CECR2: variants seen among roughly 807,000 people sequenced by gnomAD.
The protein encoded by CECR2 is chromatin remodeling regulator CECR2.
Under a neutral mutation model 154.5 loss-of-function variants are expected in CECR2, and 30 were observed. The ratio of observed to expected loss-of-function variants is 0.19; its 90% CI spans 0.15 to 0.26. The LOEUF (loss-of-function observed/expected upper bound fraction) is 0.26, where lower values mean the gene tolerates loss of function less well. Among genes scored for constraint, CECR2 ranks in the 10% least tolerant of loss-of-function variants. The probability of loss-of-function intolerance (pLI) is 1.00; values close to 1 mark genes in which losing one functional copy is unlikely to be tolerated. For missense variants in CECR2, 1,743 were observed against 1,829.3 expected (o/e 0.95, Z 0.86); for synonymous variants, 725 against 683.7 (o/e 1.06, Z -0.94).
intron 2 of CECR2, among the ~76,000 whole-genome samples, chr22:17,485,124 A>G (rs1295856447): frequency 1.3e-5 from 2 of 152,230 alleles, no homozygotes; most frequent in Non-Finnish European, 2.9e-5. Flanking sequence ...GACGCTGCCA[A>G]CTGCTTCTCA....
chr22:17,447,879 TTTTTTG>T (rs1188101013), intron 1 of CECR2, among the ~76,000 whole-genome samples: 2 of 136,654 alleles, frequency 1.5e-5, no homozygotes, highest in African/African-American at 6.5e-5. Flanking sequence ...CAAGTGTTTT[TTTTTTG>T]TTTGTTTGTT....
At chr22:17,383,790 G>A (rs989212250) in intron 1 of CECR2, among the ~76,000 whole-genome samples, 7 of 149,500 alleles carry the variant, frequency 4.7e-5, no homozygotes, top group African/African-American at 7.4e-5. Context: ...TCAGCCTCCC[G>A]AGTAGCTGGG....
intron 1 of CECR2, among the ~76,000 whole-genome samples, chr22:17,376,585 C>A (rs2063121489): frequency 6.6e-6 from 1 of 151,750 alleles, no homozygotes; most frequent in Admixed American, 6.6e-5. Context: ...CAAAGGGGAG[C>A]TTCTAAGTAC....
intron 1 of CECR2, among the ~76,000 whole-genome samples, chr22:17,411,724 A>C (rs1189965818): frequency 6.6e-6 from 1 of 152,222 alleles, no homozygotes; most frequent in East Asian, 1.9e-4. Flanking sequence ...CTTTCAAAAA[A>C]ATTATTGTAA....
rs575967669 is a variant in CECR2, at chr22:17,552,145, A to G, written c.4389+3A>G. 3.7e-6 allele frequency: 6 copies of G among 1,612,176 alleles called. No individual in the cohort carries two copies. Among genetic ancestry groups the G allele is most frequent in the South Asian group, 3.3e-5 (3 of 91,044 alleles). On this transcript the variant is annotated splice_donor_region_variant and intron_variant, in intron 18 of 18. Coordinates refer to ENST00000262608, the MANE Select transcript of CECR2 (RefSeq NM_001290047.2). ...CTCCAACACTTCCCCTGGATCAGGT[A>G]AGGATCACTAAAAATTAGAGCTGTT...
intron 2 of CECR2, among the ~76,000 whole-genome samples, chr22:17,484,768 C>G (rs955122456): frequency 1.5e-4 from 23 of 152,270 alleles, no homozygotes; most frequent in African/African-American, 5.3e-4. Context: ...GTCCCAGCTA[C>G]TCTGTAGGCT....
chr22:17,530,987 T>C (rs2056345849), intron 9 of CECR2, among the ~76,000 whole-genome samples: 1 of 152,180 alleles, frequency 6.6e-6, no homozygotes, highest in African/African-American at 2.4e-5. Context: ...ATACCGGTGA[T>C]GGCGCCACAA....
intron 1 of CECR2, among the ~76,000 whole-genome samples, chr22:17,394,983 T>A (rs1484018705): frequency 1.3e-5 from 2 of 152,186 alleles, no homozygotes; most frequent in African/African-American, 2.4e-5. Flanking sequence ...ATACATCAAA[T>A]GCATTCCTTT....
chr22:17,392,763 C>T (rs5747092), intron 1 of CECR2, among the ~76,000 whole-genome samples: 3,860 of 152,086 alleles, frequency 0.025, 65 homozygotes, highest in Non-Finnish European at 0.038. Flanking sequence ...ACAAGTAGGC[C>T]GGGCACGGTG....
In CECR2 at chr22:17,556,586, A is replaced by C. The variant is rs953697682; in HGVS notation, c.*3746A>C. The C allele has an allele frequency of 6.6e-6, 1 of 152,076 alleles. No individual in the cohort carries two copies. The highest frequency in any genetic ancestry group is 2.4e-5 in the African/African-American group (1 of 41,394). The allele number at this position is 152,076 out of a possible 1,614,324, so 9.4% of individuals were successfully genotyped here. On this transcript the variant is annotated 3_prime_UTR_variant, in exon 19 of 19. Transcript: ENST00000262608. The stretch of plus-strand genomic sequence containing the variant: ...AATTTTTTTTTTTAATGGACATTCA[A>C]ATCTGTAAATACTACACTGCTCTTA...
At chr22:17,468,855 A>T (rs970782046) in intron 1 of CECR2, among the ~76,000 whole-genome samples, 4 of 152,156 alleles carry the variant, frequency 2.6e-5, no homozygotes, top group African/African-American at 9.7e-5. Flanking sequence ...CAGACTGGGA[A>T]ATTCAGTATC....
intron 7 of CECR2, among the ~76,000 whole-genome samples, chr22:17,507,402 T>A (rs1394495760): frequency 6.6e-6 from 1 of 152,204 alleles, no homozygotes; most frequent in African/African-American, 2.4e-5. Flanking sequence ...AAATATATAA[T>A]CTAATTTTCT....
intron 2 of CECR2, among the ~76,000 whole-genome samples, chr22:17,479,110 T>C (rs1186195739): frequency 6.6e-6 from 1 of 152,244 alleles, no homozygotes; most frequent in Non-Finnish European, 1.5e-5. Flanking sequence ...CTTTTAGCTG[T>C]TATAAACATA....
chr22:17,399,637 T>C (rs2053862865), intron 1 of CECR2, among the ~76,000 whole-genome samples: 1 of 152,054 alleles, frequency 6.6e-6, no homozygotes, highest in Non-Finnish European at 1.5e-5. Flanking sequence ...AGGATGGTCT[T>C]GATCTCATGA....
chr22:17,504,772 G>A, intron 6 of CECR2, 75 bp from the exon 7 acceptor site: 2 of 1,395,928 alleles, frequency 1.4e-6, no homozygotes, highest in Non-Finnish European at 2.0e-6. Flanking sequence ...ACCCACAGTA[G>A]AAACAAAATT....
chr22:17,372,461 T>G (rs2063072124), intron 1 of CECR2, among the ~76,000 whole-genome samples: 1 of 151,646 alleles, frequency 6.6e-6, no homozygotes, highest in Admixed American at 6.6e-5. Context: ...AAGTCAGGAG[T>G]TCGAGACGAG....
rs1190267550 is a variant in CECR2 at position 17,553,568 on chromosome 22, G to C, written c.*728G>C. 1 of 152,214 alleles carries C rather than the reference G, an allele frequency of 6.6e-6. No individual in the cohort carries two copies. Among genetic ancestry groups the C allele is most frequent in the Non-Finnish European group, 1.5e-5 (1 of 68,064 alleles). 9.4% of individuals were successfully genotyped at this position (152,214 alleles called of 1,614,324 possible). On this transcript the variant is annotated 3_prime_UTR_variant, in exon 19 of 19. Coordinates refer to ENST00000262608, the MANE Select transcript of CECR2 (RefSeq NM_001290047.2). ...TAAAGGCCTTCCTTCCTTCCAGTCA[G>C]CCTGAGAGAGAACACCTGTCCCCTA...
chr22:17,386,047 A>G (rs1286252344), intron 1 of CECR2, among the ~76,000 whole-genome samples: 2 of 152,226 alleles, frequency 1.3e-5, no homozygotes, highest in East Asian at 3.9e-4. Flanking sequence ...GGCTCCTGGC[A>G]GGCCAGGCAG....
chr22:17,552,308 G>A (rs989713498), intron 18 of CECR2, among the ~76,000 whole-genome samples, 166 bp downstream of exon 18: 2 of 152,256 alleles, frequency 1.3e-5, no homozygotes, highest in Admixed American at 6.5e-5. Flanking sequence ...AAGAGGCCTC[G>A]GAAGTCACCT....
Sources: allele counts gnomAD v4.1 joint callset (sites outside exome capture counted in the v4.1 genomes callset), GRCh38; gene constraint gnomAD v4.1.1; transcripts MANE v1.5; gene names NCBI Gene and HGNC (gene_info 2026-07-23, HGNC 2026-07-21).